KCNB2: variants seen among roughly 807,000 people sequenced by gnomAD.
KCNB2 encodes delayed rectifier potassium channel protein.
In KCNB2, 15 loss-of-function variants were observed where a neutral mutation model predicts 61.5. That is an observed-to-expected ratio of 0.24 (90% CI 0.16 to 0.38). The LOEUF (loss-of-function observed/expected upper bound fraction) is 0.38, where lower values mean the gene tolerates loss of function less well. Ranked by LOEUF, KCNB2 falls within the 10% of genes least tolerant of loss-of-function variation. KCNB2 has a pLI of 1.00. For missense variants in KCNB2, 828 were observed against 1,125.2 expected, an observed-to-expected ratio of 0.74 and a Z score of 3.78; for synonymous variants, 457 against 446.0, an observed-to-expected ratio of 1.02 and a Z score of -0.31.
intron 2 of KCNB2, among the ~76,000 whole-genome samples, chr8:72,663,684 G>A (rs1585815137): frequency 6.6e-6 from 1 of 152,188 alleles, no homozygotes; most frequent in African/African-American, 2.4e-5. Context: ...TTTGAGAGGG[G>A]AGATACATGA....
At position 72,700,568 on chromosome 8, in the gene KCNB2, T is replaced by G. The variant is rs142538652; in HGVS notation, c.579+132255T>G. ...ATAAACAAATGACAAATGTTATTGG[T>G]CAAAAGTCAAAAAATGACAAATGCT... is the stretch of plus-strand genomic sequence containing the variant. On this transcript the variant is annotated intron_variant, in intron 2 of 2. Transcript: ENST00000523207. 5.4e-3 allele frequency among the ~76,000 whole-genome samples: 816 copies of G among 152,126 alleles called. 5 individuals carry two copies. Among genetic ancestry groups the G allele is most frequent in the Non-Finnish European group, 7.9e-3 (539 of 67,988 alleles).
chr8:72,794,214 C>A (rs970992885), intron 2 of KCNB2, among the ~76,000 whole-genome samples: 2 of 152,244 alleles, frequency 1.3e-5, no homozygotes, highest in Non-Finnish European at 2.9e-5. Flanking sequence ...GGCATAGTTA[C>A]AAGTGTAGAG....
At chr8:72,713,214 T>C (rs1002938512) in intron 2 of KCNB2, among the ~76,000 whole-genome samples, 2 of 152,254 alleles carry the variant, frequency 1.3e-5, no homozygotes, top group African/African-American at 4.8e-5. Flanking sequence ...TGCTTGCCTC[T>C]GTAGGCTCCA....
At chr8:72,604,392 TCA>T (rs1190494588) in intron 2 of KCNB2, among the ~76,000 whole-genome samples, 1 of 152,156 alleles carries the variant, frequency 6.6e-6, no homozygotes, top group Non-Finnish European at 1.5e-5. Flanking sequence ...GAATCAGTGC[TCA>T]GAAAAACAAA....
chr8:72,656,698 A>G (rs1363842776), intron 2 of KCNB2, among the ~76,000 whole-genome samples: 1 of 152,194 alleles, frequency 6.6e-6, no homozygotes, highest in Non-Finnish European at 1.5e-5. Context: ...TTATATTCAT[A>G]GGAAGTTTCA....
chr8:72,848,513 G>A (rs2129003135), intron 2 of KCNB2, among the ~76,000 whole-genome samples: 1 of 152,070 alleles, frequency 6.6e-6, no homozygotes, highest in East Asian at 1.9e-4. Context: ...GACTATTTGG[G>A]CAATGTCACA....
At chr8:72,783,542 C>T (rs1276240158) in intron 2 of KCNB2, among the ~76,000 whole-genome samples, 1 of 152,144 alleles carries the variant, frequency 6.6e-6, no homozygotes, top group Non-Finnish European at 1.5e-5. Flanking sequence ...TTCAATGTCA[C>T]CTTGTCAAAG....
In KCNB2 at chr8:72,807,805, A is replaced by G. The variant is rs1413124854; in HGVS notation, c.580-128130A>G. Reference sequence around the variant, plus strand: ...CAGGATAATAAATAATAATAAATGAAAGAAAGAAATGTAGATAAAAACGAG... The same window carrying G: ...CAGGATAATAAATAATAATAAATGAGAGAAAGAAATGTAGATAAAAACGAG... On this transcript the variant is annotated intron_variant, in intron 2 of 2. Coordinates refer to ENST00000523207, the MANE Select transcript of KCNB2 (RefSeq NM_004770.3). Among the ~76,000 whole-genome samples the G allele has an allele frequency of 3.3e-5, 5 of 152,216 alleles. No individual in the cohort carries two copies. In the East Asian group the frequency reaches 9.6e-4, roughly 29 times the overall value.
intron 2 of KCNB2, among the ~76,000 whole-genome samples, chr8:72,908,206 T>C (rs1806213229): frequency 6.6e-6 from 1 of 152,274 alleles, no homozygotes; most frequent in Middle Eastern, 3.4e-3. Flanking sequence ...TTTCTCCCCA[T>C]TTTATACTTA....
chr8:72,731,839 A>G (rs1051705576), intron 2 of KCNB2, among the ~76,000 whole-genome samples: 2 of 152,230 alleles, frequency 1.3e-5, no homozygotes, highest in African/African-American at 2.4e-5. Flanking sequence ...CTTTGATGTC[A>G]TGCCTGGTAA....
intron 1 of KCNB2, among the ~76,000 whole-genome samples, chr8:72,550,459 C>G (rs1806330188): frequency 6.6e-6 from 1 of 152,204 alleles, no homozygotes; most frequent in Non-Finnish European, 1.5e-5. Flanking sequence ...AGATCCCTTG[C>G]AGTGCTAATT....
chr8:72,761,469 G>C (rs781038639), intron 2 of KCNB2, among the ~76,000 whole-genome samples: 2 of 152,150 alleles, frequency 1.3e-5, no homozygotes, highest in Non-Finnish European at 2.9e-5. Context: ...TACACACTGT[G>C]GTTGCCAAAG....
chr8:72,836,819 G>A (rs946289975), intron 2 of KCNB2, among the ~76,000 whole-genome samples: 4 of 152,158 alleles, frequency 2.6e-5, no homozygotes, highest in African/African-American at 9.7e-5. Flanking sequence ...GATGTGGTAG[G>A]AGAATCCTGG....
intron 2 of KCNB2, among the ~76,000 whole-genome samples, chr8:72,571,463 C>T (rs1332133719): frequency 1.3e-5 from 2 of 152,086 alleles, no homozygotes; most frequent in African/African-American, 4.8e-5. Flanking sequence ...CATTTTTGCA[C>T]ATATATAGAA....
At chr8:72,599,410 A>G (rs1585776040) in intron 2 of KCNB2, among the ~76,000 whole-genome samples, 1 of 152,220 alleles carries the variant, frequency 6.6e-6, no homozygotes, top group Non-Finnish European at 1.5e-5. Context: ...AGAAAGCTGA[A>G]ACTGGATCCC....
intron 2 of KCNB2, among the ~76,000 whole-genome samples, chr8:72,628,426 TGTGTGTGTGTGTGTGTGTGA>T (rs1473748574): frequency 8.7e-5 from 13 of 149,432 alleles, no homozygotes; most frequent in Admixed American, 2.7e-4. Flanking sequence ...TGTGTGTGTG[TGTGTGTGTGTGTGTGTGTGA>T]GATGCACTTA....
intron 1 of KCNB2, 145 bp downstream of exon 1, chr8:72,538,030 G>T (rs1164125394): frequency 3.9e-5 from 6 of 152,178 alleles, no homozygotes; most frequent in Non-Finnish European, 7.3e-5. Flanking sequence ...AGCTGACTTA[G>T]CCCTGAGAGG....
intron 2 of KCNB2, among the ~76,000 whole-genome samples, chr8:72,883,854 G>A (rs1485986972): frequency 6.6e-6 from 1 of 152,068 alleles, no homozygotes; most frequent in Admixed American, 6.5e-5. Context: ...AATTGTTTCT[G>A]ACTTTTTGCT....
chr8:72,611,492 C>T (rs1362149361), intron 2 of KCNB2, among the ~76,000 whole-genome samples: 3 of 152,126 alleles, frequency 2.0e-5, no homozygotes, highest in African/African-American at 4.8e-5. Flanking sequence ...TTTTAATCAC[C>T]TATGATGTTT....
Sources: gnomAD v4.1 joint callset for allele counts (sites outside exome capture counted in the v4.1 genomes callset) on GRCh38, gnomAD v4.1.1 for gene constraint, MANE v1.5 for transcripts, NCBI Gene and HGNC (gene_info 2026-07-23, HGNC 2026-07-21) for gene names.